The following NRBP1 variants were observed in gnomAD, a reference collection of about 807,000 sequenced individuals.
NRBP1 encodes nuclear receptor-binding protein.
NRBP1 carries 10 observed loss-of-function variants against 76.0 expected under a neutral mutation model. The ratio of observed to expected loss-of-function variants is 0.13; its 90% CI spans 0.08 to 0.22. The LOEUF (loss-of-function observed/expected upper bound fraction) is 0.22, where lower values mean the gene tolerates loss of function less well. NRBP1 is among the 10% of genes least tolerant of loss of function. NRBP1 has a pLI of 1.00. For synonymous variants in NRBP1, 235 were observed against 240.2 expected, an observed-to-expected ratio of 0.98 and a Z score of 0.20; for missense variants, 344 against 646.0, an observed-to-expected ratio of 0.53 and a Z score of 5.07.
At chr2:27,434,411 T>G in intron 4 of NRBP1, 60 bp from the exon 5 acceptor site, 2 of 1,185,544 alleles carry the variant, frequency 1.7e-6, no homozygotes, top group Non-Finnish European at 2.5e-6. Flanking sequence ...TAAAATATGT[T>G]AACAAGGGAA....
intron 7 of NRBP1, chr2:27,435,876 A>G (rs540276078): frequency 1.4e-6 from 1 of 697,514 alleles, no homozygotes; most frequent in Non-Finnish European, 2.7e-6. Flanking sequence ...ATGCCTGCTT[A>G]GCTTCTGCCC....
intron 7 of NRBP1, chr2:27,435,619 T>A (rs769934877): frequency 1.5e-4 from 110 of 715,354 alleles, no homozygotes; most frequent in Non-Finnish European, 2.7e-4. Context: ...GCTGTGTCTG[T>A]GTGGTATTTG....
In NRBP1 at chr2:27,434,466, C is replaced by T. The variant is rs749249080; in HGVS notation, c.436-5C>T. 2 of 1,610,452 alleles carry T rather than the reference C, an allele frequency of 1.2e-6. No individual in the cohort carries two copies. The highest frequency in any genetic ancestry group is 3.3e-5 in the Admixed American group (2 of 59,928). ...GGCCTTTTAGTAAGTGCTTTGCCTC[C>T]CCAGGTCATTTTTATCACAGAATAC... On this transcript the variant is annotated splice_region_variant and splice_polypyrimidine_tract_variant and intron_variant, in intron 4 of 17. Coordinates refer to ENST00000379852, the MANE Select transcript of NRBP1 (RefSeq NM_013392.4).
Position 27,437,125 on chromosome 2 carries a change from G to A in NRBP1, c.804+20G>A. 1.2e-6 allele frequency: 2 copies of A among 1,607,846 alleles called. No homozygotes were observed. The highest frequency in any genetic ancestry group is 1.1e-5 in the South Asian group (1 of 90,956). On this transcript the variant is annotated intron_variant, in intron 9 of 17. Coordinates refer to ENST00000379852, the MANE Select transcript of NRBP1 (RefSeq NM_013392.4). ...CTGGAGGTGAGGGGACTGGAGGGGA[G>A]GGGGGAAAGGGGTCAGATGAGAAGA...
rs756204919 is a variant in NRBP1, at chr2:27,441,704, C to A, written c.1504-4C>A. 1.9e-6 allele frequency: 3 copies of A among 1,613,388 alleles called. No individual in the cohort carries two copies. Among genetic ancestry groups the A allele is most frequent in the Non-Finnish European group, 1.7e-6 (2 of 1,179,462 alleles). On this transcript the variant is annotated splice_polypyrimidine_tract_variant and splice_region_variant and intron_variant, in intron 17 of 17. Coordinates refer to ENST00000379852, the MANE Select transcript of NRBP1 (RefSeq NM_013392.4). ...CCCCATCTTACTGAGCTCTTCTCCC[C>A]CAGGCTGACCAGAGCCGGTTGACTT...
Position 27,435,157 on chromosome 2 carries a change from C to G in NRBP1, c.591C>G (p.Pro197=), listed in dbSNP as rs746590442. The part of the protein sequence containing the change: ...ALSYLHSCDP[P]IIHGNLTCDT... ...GCTACCTGCACTCCTGTGACCCCCC[C>G]ATCATCCATGGGAACCTGACCTGTG... is the stretch of plus-strand genomic sequence containing the variant. The change falls in exon 7 of 18, where the codon CCC becomes CCG. Residue 197 remains proline (P), a synonymous_variant. Coordinates refer to ENST00000379852, the MANE Select transcript of NRBP1 (RefSeq NM_013392.4). 21 of 1,614,084 alleles carry G rather than the reference C, an allele frequency of 1.3e-5. No individual in the cohort carries two copies. Among genetic ancestry groups the G allele is most frequent in the Non-Finnish European group, 1.8e-5 (21 of 1,180,012 alleles).
At chr2:27,430,541 T>C (rs1199223978) in intron 1 of NRBP1, among the ~76,000 whole-genome samples, 1 of 150,302 alleles carries the variant, frequency 6.7e-6, no homozygotes, top group Admixed American at 6.7e-5. Context: ...CCATCTGGGC[T>C]CACTGCAACC....
At position 27,434,567 on chromosome 2, in the gene NRBP1, AAGG is replaced by A; in HGVS notation, c.525+10_525+12del. 1 of 1,612,886 alleles carries A rather than the reference AAGG, an allele frequency of 6.2e-7. No individual in the cohort carries two copies. On this transcript the variant is annotated splice_region_variant and intron_variant, in intron 5 of 17. Coordinates refer to ENST00000379852, the MANE Select transcript of NRBP1 (RefSeq NM_013392.4). ...CAAGACGATGAATGAAAAGGTATAG[AAGG>A]AGAGCAGACAAAGTTTGAGGCTGGT...
At chr2:27,428,568 C>A, upstream of NRBP1, 1 of 397,170 alleles carries the variant, frequency 2.5e-6, no homozygotes, top group South Asian at 1.3e-4. Flanking sequence ...CAATGGAAAC[C>A]TGCCGGCGGT....
rs1458643486 is a variant in NRBP1, at chr2:27,440,840, C to T, written c.1229C>T (p.Pro410Leu). 4 of 1,613,960 alleles carry T rather than the reference C, an allele frequency of 2.5e-6. No individual in the cohort carries two copies. In the Admixed American group the frequency reaches 5.0e-5, roughly 20 times the overall value. The change falls in exon 14 of 18, where the codon CCT (proline) becomes CTT (leucine). Residue 410 changes from proline to leucine, a missense_variant. Physicochemically the swap from Pro to Leu is moderately conservative, Grantham distance 98. Transcript: ENST00000379852. ...GIYPLTAFGL[P>L]RPQQPQQEEV... Reference sequence around the variant, plus strand: ...TATCCTCTGACAGCCTTTGGGCTGCCTCGGCCCCAGCAGCCACAGCAGGAG... The same window carrying T: ...TATCCTCTGACAGCCTTTGGGCTGCTTCGGCCCCAGCAGCCACAGCAGGAG...
At chr2:27,428,782 CG>C (rs1170853445) in intron 1 of NRBP1, 51 bp downstream of exon 1, 11 of 397,894 alleles carry the variant, frequency 2.8e-5, no homozygotes, top group African/African-American at 2.3e-4. Context: ...CGCGAGAGGA[CG>C]GAAGGATCGG....
chr2:27,431,190 C>T (rs539149210), intron 1 of NRBP1, among the ~76,000 whole-genome samples: 120 of 152,250 alleles, frequency 7.9e-4, no homozygotes, highest in African/African-American at 2.7e-3. Flanking sequence ...GTCCCAGCTA[C>T]TCGGGAGGCT....
chr2:27,441,206 A>G, intron 15 of NRBP1, 26 bp downstream of exon 15: 1 of 1,614,052 alleles, frequency 6.2e-7, no homozygotes, highest in South Asian at 1.1e-5. Flanking sequence ...AGGGTTGCGC[A>G]GGGCTAGTAG....
At chr2:27,441,451 T>C in intron 16 of NRBP1, 116 bp from the exon 17 acceptor site, 1 of 1,439,354 alleles carries the variant, frequency 6.9e-7, no homozygotes, top group Non-Finnish European at 9.8e-7. Flanking sequence ...ATGACTATCT[T>C]AGACCCTAAA....
chr2:27,441,821 C>T lies in NRBP1; in HGVS notation c.*9C>T, dbSNP rs375675632. ...TCACCGTCTCCTCTTAGAGCTCACT[C>T]GGGCCAGGCCCTGATCTGCGCTGTG... On this transcript the variant is annotated 3_prime_UTR_variant, in exon 18 of 18. Transcript: ENST00000379852. The T allele has an allele frequency of 1.9e-6, 3 of 1,573,576 alleles. No individual in the cohort carries two copies. Among genetic ancestry groups the T allele is most frequent in the Non-Finnish European group, 2.6e-6 (3 of 1,145,254 alleles).
At chr2:27,429,233 C>G (rs1473639160) in intron 1 of NRBP1, 1 of 152,416 alleles carries the variant, frequency 6.6e-6, no homozygotes, top group African/African-American at 2.4e-5. Flanking sequence ...CCGCGCGGGC[C>G]GCGGCTGCCT....
chr2:27,438,205 G>T (rs990424197), intron 10 of NRBP1, among the ~76,000 whole-genome samples: 1 of 150,598 alleles, frequency 6.6e-6, no homozygotes. Flanking sequence ...ATGTTAATTT[G>T]AATGTGTCTA....
chr2:27,436,898 A>AG (rs1664327892), intron 8 of NRBP1, 62 bp downstream of exon 8: 7 of 1,503,194 alleles, frequency 4.7e-6, no homozygotes, highest in Non-Finnish European at 6.5e-6. Context: ...TTATAACTTG[A>AG]GGTACAGAGG....
At position 27,434,769 on chromosome 2, in the gene NRBP1, A is replaced by G. The variant is rs550934413; in HGVS notation, c.566+7A>G. 6.2e-7 allele frequency: 1 copy of G among 1,613,768 alleles called. No homozygotes were observed. The highest frequency in any genetic ancestry group is 1.7e-5 in the Admixed American group (1 of 60,024). ...AAATCCTCTCTGCCCTAAGGTAAGT[A>G]GTACCTGGTTAGTTTCTTACCCATA... On this transcript the variant is annotated splice_region_variant and intron_variant, in intron 6 of 17. Coordinates refer to ENST00000379852, the MANE Select transcript of NRBP1 (RefSeq NM_013392.4).
Sources: gnomAD v4.1 joint callset for allele counts (sites outside exome capture counted in the v4.1 genomes callset) on GRCh38, gnomAD v4.1.1 for gene constraint, MANE v1.5 for transcripts, NCBI Gene and HGNC (gene_info 2026-07-23, HGNC 2026-07-21) for gene names.